The following PRKCZ variants were observed in gnomAD, a reference collection of about 807,000 sequenced individuals.
PRKCZ encodes protein kinase C zeta.
A neutral mutation model predicts 79.5 loss-of-function variants in PRKCZ; 33 were observed. The ratio of observed to expected loss-of-function variants is 0.41; its 90% CI spans 0.31 to 0.55. The LOEUF (loss-of-function observed/expected upper bound fraction) is 0.55, where lower values mean the gene tolerates loss of function less well. PRKCZ is among the 20% of genes least tolerant of loss of function. The pLI is 0.19. For missense variants in PRKCZ, 578 were observed against 813.5 expected, an observed-to-expected ratio of 0.71 and a Z score of 3.52; for synonymous variants, 342 against 320.9, an observed-to-expected ratio of 1.07 and a Z score of -0.70.
In PRKCZ at chr1:2,144,747, C is replaced by G. The variant is rs532656822; in HGVS notation, c.552+406C>G. On this transcript the variant is annotated intron_variant, in intron 6 of 17. Transcript: ENST00000378567. ...TCTGGAGCCTCTCCCTGGCATCCCC[C>G]CTGGGAAGCCATGCCCAGCCTGTGA... The G allele has an allele frequency of 2.0e-5, 13 of 658,180 alleles. No homozygotes were observed. The South Asian group carries it at 2.7e-4, about 14-fold the overall frequency. 40.8% of individuals were successfully genotyped at this position (658,180 alleles called of 1,614,324 possible).
In PRKCZ at chr1:2,184,990, C is replaced by T; in HGVS notation, c.1760C>T (p.Ser587Phe). ...GAGTATATCAACCCATTATTGCTGT[C>T]CACCGAGGAGTCGGTGTGAGGCCGC... ...GFEYINPLLLSTEESV is the reference protein window; with the variant it reads ...GFEYINPLLLFTEESV The change falls in exon 18 of 18, where the codon TCC becomes TTC. Residue 587 changes from serine to phenylalanine, a missense_variant. This residue lies in a region of PRKCZ where 243 missense variants were observed against 467.0 expected (regional missense o/e 0.52). Transcript: ENST00000378567. The T allele has an allele frequency of 1.2e-6, 2 of 1,613,496 alleles. No individual in the cohort carries two copies. The highest frequency in any genetic ancestry group is 1.7e-6 in the Non-Finnish European group (2 of 1,179,756).
chr1:2,175,679 C>T (rs1249695221), intron 16 of PRKCZ, among the ~76,000 whole-genome samples: 1 of 152,046 alleles, frequency 6.6e-6, no homozygotes, highest in Non-Finnish European at 1.5e-5. Context: ...GCCCCACTTG[C>T]GTGGAGCCAA....
chr1:2,081,643 G>A (rs934789515), intron 4 of PRKCZ, among the ~76,000 whole-genome samples: 7 of 152,192 alleles, frequency 4.6e-5, no homozygotes, highest in East Asian at 1.9e-4. Context: ...GGACTTGGTG[G>A]CGTGGTGATG....
At chr1:2,124,192 T>G (rs78366091) in intron 4 of PRKCZ, among the ~76,000 whole-genome samples, 220 of 1,622 alleles carry the variant, frequency 0.14, 17 homozygotes, top group Middle Eastern at 0.5. Flanking sequence ...GGGTCACGGC[T>G]GTAGTTAGGG....
At chr1:2,069,866 C>T (rs1661425399) in intron 4 of PRKCZ, among the ~76,000 whole-genome samples, 1 of 152,310 alleles carries the variant, frequency 6.6e-6, no homozygotes, top group Non-Finnish European at 1.5e-5. Flanking sequence ...AAGTGGGTAG[C>T]CTCAGGCCTG....
chr1:2,133,537 C>CCA (rs1243768085), intron 4 of PRKCZ: 1 of 150,448 alleles, frequency 6.6e-6, no homozygotes, highest in East Asian at 2.0e-4. Context: ...CCACCCCCCC[C>CCA]AGCTGTGCAT....
chr1:2,093,057 A>C (rs1665797593), intron 4 of PRKCZ, among the ~76,000 whole-genome samples: 2 of 151,350 alleles, frequency 1.3e-5, no homozygotes, highest in African/African-American at 4.9e-5. Flanking sequence ...CCAGTAGCAC[A>C]GAGATGCCAA....
intron 5 of PRKCZ, among the ~76,000 whole-genome samples, chr1:2,137,805 C>T (rs1676524824): frequency 6.6e-6 from 1 of 152,200 alleles, no homozygotes; most frequent in African/African-American, 2.4e-5. Flanking sequence ...TTTTCCTTTC[C>T]TTCCTGCAGA....
Position 2,119,775 on chromosome 1 carries a change from ATTTC to A in PRKCZ, c.335-15483_335-15480del, listed in dbSNP as rs1284432599. ...CACAGACTTGTAATTAATTCTTTTT[ATTTC>A]TTTTCTTTTCTTTTTTTTTTTTTTG... On this transcript the variant is annotated intron_variant, in intron 4 of 17. Transcript: ENST00000378567. 1.1e-3 allele frequency among the ~76,000 whole-genome samples: 144 copies of A among 134,182 alleles called. No individual in the cohort carries two copies. The Middle Eastern group carries it at 0.016, about 14-fold the overall frequency. The allele number at this position is 134,182 out of a possible 152,430, so 88.0% of individuals were successfully genotyped here.
chr1:2,105,215 G>A (rs571622960), intron 4 of PRKCZ, among the ~76,000 whole-genome samples: 6 of 152,268 alleles, frequency 3.9e-5, no homozygotes, highest in South Asian at 2.1e-4. Context: ...GCTGTGTACC[G>A]GCACTGCCGC....
At chr1:2,114,734 A>G (rs892993192) in intron 4 of PRKCZ, among the ~76,000 whole-genome samples, 1 of 152,110 alleles carries the variant, frequency 6.6e-6, no homozygotes, top group Non-Finnish European at 1.5e-5. Flanking sequence ...AGATCGTGCC[A>G]CTGCACTCCA....
chr1:2,135,420 AGGCACGTCCCGCTGAGCCCAGGCTG>A (rs1335863651), intron 5 of PRKCZ, 73 bp downstream of exon 5: 83 of 1,377,516 alleles, frequency 6.0e-5, no homozygotes, highest in Middle Eastern at 2.5e-4. Flanking sequence ...AGAGGAGGGG[AGGCACGTCCCGCTGAGCCCAGGCTG>A]GGCTCTTTTT....
Position 2,146,125 on chromosome 1 carries a change from TC to T in PRKCZ, c.634+19del. 6.2e-7 allele frequency: 1 copy of T among 1,607,150 alleles called. No homozygotes were observed. Among genetic ancestry groups the T allele is most frequent in the South Asian group, 1.1e-5 (1 of 90,964 alleles). ...CAGATGGAAGTAGGCGCTGCTTTCT[TC>T]CGGCCGGGTAGAGCCTGGGCATCAC... On this transcript the variant is annotated intron_variant, in intron 7 of 17. Coordinates refer to ENST00000378567, the MANE Select transcript of PRKCZ (RefSeq NM_002744.6).
chr1:2,114,835 G>A (rs1411033182), intron 4 of PRKCZ, among the ~76,000 whole-genome samples: 2 of 152,112 alleles, frequency 1.3e-5, no homozygotes, highest in African/African-American at 2.4e-5. Context: ...CCTGCCGTTG[G>A]GTTTCAGCTT....
chr1:2,109,611 A>G (rs1426665410), intron 4 of PRKCZ, among the ~76,000 whole-genome samples: 1 of 152,220 alleles, frequency 6.6e-6, no homozygotes, highest in Non-Finnish European at 1.5e-5. Flanking sequence ...GCGAGAGTCC[A>G]TAGGACATGG....
At chr1:2,129,456 C>T (rs769144135) in intron 4 of PRKCZ, among the ~76,000 whole-genome samples, 2 of 152,012 alleles carry the variant, frequency 1.3e-5, no homozygotes, top group Admixed American at 6.6e-5. Context: ...GACGGTGACA[C>T]GTGGGCTCCT....
chr1:2,088,332 G>C (rs926148292), intron 4 of PRKCZ, among the ~76,000 whole-genome samples: 1 of 152,096 alleles, frequency 6.6e-6, no homozygotes, highest in African/African-American at 2.4e-5. Flanking sequence ...CCGCCTCCCT[G>C]TTCCTCCCCT....
rs1338546575 is a variant in PRKCZ at position 2,127,731 on chromosome 1, G to T, written c.335-7531G>T. ...TGGCTTTTTAGGACTCTGCGTTCGT[G>T]TTCTCCATTGTCCCTGGCAGCCCCT... On this transcript the variant is annotated intron_variant, in intron 4 of 17. Coordinates refer to ENST00000378567, the MANE Select transcript of PRKCZ (RefSeq NM_002744.6). This position sits in a 1 kb window ranked among gnomAD's most constrained non-coding sequence, Gnocchi z 5.1. 6.6e-6 allele frequency among the ~76,000 whole-genome samples: 1 copy of T among 152,194 alleles called. No individual in the cohort carries two copies. The highest frequency in any genetic ancestry group is 1.5e-5 in the Non-Finnish European group (1 of 68,038).
chr1:2,073,490 C>G, intron 4 of PRKCZ: 1 of 432,844 alleles, frequency 2.3e-6, no homozygotes, highest in Non-Finnish European at 3.1e-6. Flanking sequence ...GGACCCCGGG[C>G]TTAGCTGGGT....
Sources: gnomAD v4.1 joint callset for allele counts (sites outside exome capture counted in the v4.1 genomes callset) on GRCh38, gnomAD v4.1.1 for gene constraint, gnomAD v4.1.1 regional missense constraint, Gnocchi (gnomAD v3.1) non-coding constraint, MANE v1.5 for transcripts, NCBI Gene and HGNC (gene_info 2026-07-23, HGNC 2026-07-21) for gene names.